Variants in ADGRG6 observed in about 807,000 individuals in gnomAD.
ADGRG6 encodes the protein adhesion G protein-coupled receptor G6.
Under a neutral mutation model 142.4 loss-of-function variants are expected in ADGRG6, and 84 were observed. The ratio of observed to expected loss-of-function variants is 0.59; its 90% confidence interval spans 0.49 to 0.71. The LOEUF (loss-of-function observed/expected upper bound fraction) is 0.71. Among genes scored for constraint, ADGRG6 ranks in the 30% least tolerant of loss-of-function variants. The pLI, the probability that ADGRG6 is intolerant of heterozygous loss-of-function variation, is 0.00. For synonymous variants in ADGRG6, 521 were observed against 520.5 expected, an observed-to-expected ratio of 1.00 and a Z score of -0.01; for missense variants, 1,367 against 1,466.6, an observed-to-expected ratio of 0.93 and a Z score of 1.11.
chr6:142,426,345 G>A (rs1226163820), intron 22 of ADGRG6, among the ~76,000 whole-genome samples: 1 of 152,192 alleles, frequency 6.6e-6, no homozygotes, highest in Non-Finnish European at 1.5e-5. Flanking sequence ...TACAGGCCCA[G>A]TGCAAGTCCA....
chr6:142,307,700 A>G (rs1777572146), intron 1 of ADGRG6, among the ~76,000 whole-genome samples: 1 of 152,072 alleles, frequency 6.6e-6, no homozygotes, highest in African/African-American at 2.4e-5. Flanking sequence ...ATCCATTATT[A>G]TAATTACTAA....
chr6:142,344,098 C>G (rs1376735887), intron 2 of ADGRG6, among the ~76,000 whole-genome samples: 1 of 151,800 alleles, frequency 6.6e-6, no homozygotes, highest in African/African-American at 2.4e-5. Flanking sequence ...AGATCCAGTT[C>G]ACATGCTAAT....
At chr6:142,362,878 A>C (rs1007718623) in intron 2 of ADGRG6, among the ~76,000 whole-genome samples, 4 of 152,124 alleles carry the variant, frequency 2.6e-5, no homozygotes, top group Non-Finnish European at 5.9e-5. Context: ...CTTAGGTTTA[A>C]TTTTTAGAAG....
intron 22 of ADGRG6, among the ~76,000 whole-genome samples, chr6:142,436,020 A>G (rs1777469659): frequency 2.0e-5 from 3 of 152,042 alleles, no homozygotes. Context: ...GATCGCAAGG[A>G]CTTCTGTTCA....
At chr6:142,381,096 C>T (rs1373634783) in intron 4 of ADGRG6, among the ~76,000 whole-genome samples, 4 of 152,214 alleles carry the variant, frequency 2.6e-5, no homozygotes, top group South Asian at 2.1e-4. Context: ...TCTGCTTATG[C>T]ATACCGTTTA....
chr6:142,427,474 TTAAG>T (rs1438013158), intron 22 of ADGRG6, among the ~76,000 whole-genome samples: 2 of 152,262 alleles, frequency 1.3e-5, no homozygotes, highest in South Asian at 2.1e-4. Context: ...ATCAAAGCCA[TTAAG>T]TAAGTCTCTA....
intron 2 of ADGRG6, among the ~76,000 whole-genome samples, chr6:142,327,045 G>T (rs779465520): frequency 6.6e-6 from 1 of 151,824 alleles, no homozygotes; most frequent in Non-Finnish European, 1.5e-5. Context: ...TTCTCATCTT[G>T]GTCTGATTAT....
At chr6:142,423,132 G>A (rs1485708675) in intron 22 of ADGRG6, among the ~76,000 whole-genome samples, 8 of 142,592 alleles carry the variant, frequency 5.6e-5, no homozygotes, top group African/African-American at 1.9e-4. Flanking sequence ...TCACTCTGAT[G>A]GTAGTTTCTT....
intron 21 of ADGRG6, among the ~76,000 whole-genome samples, chr6:142,418,707 T>C (rs1286058278): frequency 6.6e-6 from 1 of 152,164 alleles, no homozygotes; most frequent in Non-Finnish European, 1.5e-5. Flanking sequence ...TTTCTAGAAT[T>C]CAAAGATGTG....
At chr6:142,328,557 GT>G (rs1778893271) in intron 2 of ADGRG6, among the ~76,000 whole-genome samples, 1 of 152,122 alleles carries the variant, frequency 6.6e-6, no homozygotes, top group Non-Finnish European at 1.5e-5. Flanking sequence ...GTCAGGTTGT[GT>G]TTTTTAAATC....
chr6:142,388,464 C>T (rs9403384), intron 6 of ADGRG6, among the ~76,000 whole-genome samples: 1 of 151,946 alleles, frequency 6.6e-6, no homozygotes, highest in Non-Finnish European at 1.5e-5. Context: ...GATGCTCCTC[C>T]ACTTACGGTA....
intron 2 of ADGRG6, among the ~76,000 whole-genome samples, chr6:142,338,017 GTT>G (rs1181314373): frequency 9.6e-4 from 34 of 35,376 alleles, no homozygotes; most frequent in African/African-American, 3.1e-3. Context: ...TTGTATCTTT[GTT>G]TTTTTTTTTT....
intron 2 of ADGRG6, among the ~76,000 whole-genome samples, chr6:142,314,239 T>A (rs946194738): frequency 1.3e-5 from 2 of 152,150 alleles, no homozygotes; most frequent in Non-Finnish European, 2.9e-5. Context: ...GCCAATTACA[T>A]AAACGTAGAA....
rs1425955493 is a variant in ADGRG6, at chr6:142,419,988, G to A, written c.3203G>A (p.Arg1068His). ...AGAGAAGAAGTGTTAAGGAACCTGC[G>A]CAGTGTGGTTAGCTTGACCTTTCTG... ...TLREEVLRNL[R>H]SVVSLTFLLG... The change falls in exon 22 of 25, where the codon CGC (arginine) becomes CAC (histidine). Residue 1068 changes from arginine (R) to histidine (H), a missense_variant. Around this residue, in one of 3 missense-constraint regions of ADGRG6, gnomAD observed 344 missense variants for 348.7 expected, o/e 0.99. Transcript: ENST00000367609. The A allele has an allele frequency of 2.5e-5, 41 of 1,613,426 alleles. 1 individual carries two copies. Among genetic ancestry groups the A allele is most frequent in the East Asian group, 1.1e-4 (5 of 44,880 alleles).
intron 2 of ADGRG6, among the ~76,000 whole-genome samples, chr6:142,318,840 A>T (rs1397276344): frequency 6.6e-6 from 1 of 152,156 alleles, no homozygotes; most frequent in Admixed American, 6.6e-5. Flanking sequence ...GAATGAGGCT[A>T]GATGGGGAAG....
At chr6:142,393,163 C>A (rs949527143) in intron 8 of ADGRG6, among the ~76,000 whole-genome samples, 163 bp downstream of exon 8, 2 of 152,106 alleles carry the variant, frequency 1.3e-5, no homozygotes, top group Non-Finnish European at 2.9e-5. Flanking sequence ...GCACAAAAAA[C>A]CTCCATGCTG....
intron 21 of ADGRG6, among the ~76,000 whole-genome samples, chr6:142,418,388 G>T (rs1776478609): frequency 6.8e-6 from 1 of 147,854 alleles, no homozygotes; most frequent in Non-Finnish European, 1.5e-5. Flanking sequence ...TCTTATATTT[G>T]TAAAGTGGCA....
chr6:142,360,742 C>G lies in ADGRG6; in HGVS notation c.104-6827C>G, dbSNP rs528470471. Among the ~76,000 whole-genome samples the G allele has an allele frequency of 6.9e-4, 105 of 152,248 alleles. 1 individual carries two copies. The highest frequency in any genetic ancestry group is 2.5e-3 in the Admixed American group (38 of 15,292). On this transcript the variant is annotated intron_variant, in intron 2 of 24. Coordinates refer to ENST00000367609, the MANE Select transcript of ADGRG6 (RefSeq NM_198569.3). The stretch of plus-strand genomic sequence containing the variant: ...GGTGTGATCTCAGCTTACTGAAACT[C>G]CACCTCCTGGGTTCAAGTGATTCTC...
At position 142,371,402 on chromosome 6, in the gene ADGRG6, A is replaced by G. The variant is rs149815087; in HGVS notation, c.1069+609A>G. On this transcript the variant is annotated intron_variant, in intron 4 of 24. Transcript: ENST00000367609. The stretch of plus-strand genomic sequence containing the variant: ...GGCTGGTCTCAAACTCCTGACCTCA[A>G]GTGGTCCACCTATCTCAGCCTCCCA... 4.8e-3 allele frequency among the ~76,000 whole-genome samples: 730 copies of G among 151,280 alleles called. 9 individuals are homozygous for G. Among genetic ancestry groups the G allele is most frequent in the African/African-American group, 0.017 (692 of 41,212 alleles).
Sources: gnomAD v4.1 joint callset for allele counts (sites outside exome capture counted in the v4.1 genomes callset) on GRCh38, gnomAD v4.1.1 for gene constraint, gnomAD v4.1.1 regional missense constraint, MANE v1.5 for transcripts, NCBI Gene and HGNC (gene_info 2026-07-23, HGNC 2026-07-21) for gene names.